THOC1: variants seen among roughly 807,000 people sequenced by gnomAD.
THOC1 encodes THO complex subunit 1.
A neutral mutation model predicts 97.3 loss-of-function variants in THOC1; 29 were observed. That is an observed-to-expected ratio of 0.30 (90% CI 0.22 to 0.41). The LOEUF (loss-of-function observed/expected upper bound fraction) is 0.41, where lower values mean the gene tolerates loss of function less well. Ranked by LOEUF, THOC1 falls within the 10% of genes least tolerant of loss-of-function variation. The pLI, the probability that THOC1 is intolerant of heterozygous loss-of-function variation, is 1.00. For synonymous variants in THOC1, 255 were observed against 257.0 expected, an observed-to-expected ratio of 0.99 and a Z score of 0.07; for missense variants, 529 against 761.9, an observed-to-expected ratio of 0.69 and a Z score of 3.60.
chr18:221,239 T>C (rs1794404789), intron 17 of THOC1, among the ~76,000 whole-genome samples: 1 of 152,122 alleles, frequency 6.6e-6, no homozygotes, highest in Non-Finnish European at 1.5e-5. Context: ...TTACACTAAG[T>C]TTTTTCCACC....
At chr18:218,735 AC>A in intron 18 of THOC1, 150 bp downstream of exon 18, 2 of 623,308 alleles carry the variant, frequency 3.2e-6, no homozygotes, top group Non-Finnish European at 5.6e-6. Flanking sequence ...CAGGATGTGT[AC>A]TAACAAGAAC....
rs554817221 is a variant in THOC1, at chr18:254,549, T to C, written c.521-194A>G. Among the ~76,000 whole-genome samples the C allele has an allele frequency of 1.4e-4, 21 of 149,866 alleles. No homozygotes were observed. The highest frequency in any genetic ancestry group is 7.3e-5 in the African/African-American group (3 of 41,338). On this transcript the variant is annotated intron_variant, in intron 7 of 20. Transcript: ENST00000261600. This position sits in a 1 kb window ranked among gnomAD's most constrained non-coding sequence, Gnocchi z 4.1. ...TGGAGTATGGGCATACCTTGTTTTG[T>C]TGTTCTTCACAGTTTCTTGTTTTTT...
intron 12 of THOC1, 23 bp downstream of exon 12, chr18:226,778 G>A (rs1366752565): frequency 1.3e-6 from 2 of 1,550,330 alleles, no homozygotes; most frequent in African/African-American, 2.7e-5. Context: ...TTTACAAATT[G>A]TTTACTACCC....
At position 226,896 on chromosome 18, in the gene THOC1, C is replaced by G. The variant is rs2049941626; in HGVS notation, c.924G>C (p.Met308Ile). The G allele has an allele frequency of 6.2e-7, 1 of 1,606,660 alleles. No homozygotes were observed. Among genetic ancestry groups the G allele is most frequent in the African/African-American group, 1.3e-5 (1 of 74,816 alleles). Residue 308 changes from methionine (M) to isoleucine (I), a missense_variant, in exon 12 of 21, where the codon ATG (methionine) becomes ATC (isoleucine). Physicochemically the swap from Met to Ile is conservative, Grantham distance 10 (BLOSUM62 1). Coordinates refer to ENST00000261600, the MANE Select transcript of THOC1 (RefSeq NM_005131.3). ...FAKFLTSEKL[M>I]DLQLSDSNFR... The stretch of plus-strand genomic sequence containing the variant: ...AGTTACTGTCACTCAGTTGTAAATC[C>G]ATCAGCTACTCAAGAAACAAGCAAA...
intron 11 of THOC1, among the ~76,000 whole-genome samples, chr18:234,922 C>CTT (rs1250274383): frequency 6.6e-6 from 1 of 151,924 alleles, no homozygotes; most frequent in African/African-American, 2.4e-5. Context: ...AACTGGGGGG[C>CTT]TTCTCTTTTT....
chr18:238,486 T>C (rs930630864), intron 11 of THOC1, among the ~76,000 whole-genome samples: 7 of 152,212 alleles, frequency 4.6e-5, no homozygotes, highest in Non-Finnish European at 1.0e-4. Flanking sequence ...TACTTAACAA[T>C]AGTATTGCCT....
At chr18:215,902 AGG>A in intron 19 of THOC1, 1 of 193,408 alleles carries the variant, frequency 5.2e-6, no homozygotes. Flanking sequence ...ATTGGCAAAC[AGG>A]AAAAAATTCA....
chr18:221,802 G>T (rs1199335536), intron 17 of THOC1, among the ~76,000 whole-genome samples: 2 of 151,894 alleles, frequency 1.3e-5, no homozygotes, highest in African/African-American at 2.4e-5. Context: ...TAGAGACGGG[G>T]TTTCACCGTG....
Position 241,764 on chromosome 18 carries a change from T to C in THOC1, c.918+4560A>G, listed in dbSNP as rs115961455. Reference sequence around the variant, plus strand: ...ACATTTTGAAATGTTGTTCTGCTTTTACATGCTACATAGTACAGAGGGAGG... The same window carrying C: ...ACATTTTGAAATGTTGTTCTGCTTTCACATGCTACATAGTACAGAGGGAGG... On this transcript the variant is annotated intron_variant, in intron 11 of 20. Transcript: ENST00000261600. Among the ~76,000 whole-genome samples the C allele has an allele frequency of 4.8e-3, 736 of 152,346 alleles. 2 individuals carry two copies. Among genetic ancestry groups the C allele is most frequent in the African/African-American group, 0.016 (672 of 41,584 alleles).
Position 224,094 on chromosome 18 carries a change from G to A in THOC1, c.1294C>T (p.Leu432=), listed in dbSNP as rs1313935637. 1 of 1,605,522 alleles carries A rather than the reference G, an allele frequency of 6.2e-7. No individual in the cohort carries two copies. Among genetic ancestry groups the A allele is most frequent in the Non-Finnish European group, 8.5e-7 (1 of 1,174,836 alleles). Residue 432 remains leucine (L), a synonymous_variant, in exon 16 of 21, where the codon CTG becomes TTG. Transcript: ENST00000261600. ...GACAAATTCACCTACTTTCCCATCA[G>A]AATTTTTTTGGTGGGTCCTTTCCCT... The part of the protein sequence containing the change: ...FLGKGPTKKI[L]MGNEELTRLW...
intron 9 of THOC1, among the ~76,000 whole-genome samples, chr18:249,432 T>C (rs1397171368): frequency 1.3e-5 from 2 of 152,106 alleles, no homozygotes; most frequent in Non-Finnish European, 2.9e-5. Flanking sequence ...TTTGGGAGGC[T>C]GAGGCGGGCG....
chr18:255,687 C>G (rs1912415683), intron 7 of THOC1, among the ~76,000 whole-genome samples: 1 of 152,198 alleles, frequency 6.6e-6, no homozygotes. Context: ...CTACACTCAA[C>G]AGATTTTTCA....
intron 17 of THOC1, among the ~76,000 whole-genome samples, chr18:220,367 A>G (rs1299128220): frequency 1.3e-5 from 2 of 152,208 alleles, no homozygotes; most frequent in Admixed American, 6.5e-5. Context: ...TTCCTATTTC[A>G]TTTAAAAAAT....
chr18:239,234 A>T (rs1911813207), intron 11 of THOC1, among the ~76,000 whole-genome samples: 1 of 152,222 alleles, frequency 6.6e-6, no homozygotes, highest in African/African-American at 2.4e-5. Flanking sequence ...TATTGAAAAA[A>T]TTTCTACAAA....
chr18:258,132 C>T (rs531515819), intron 7 of THOC1, among the ~76,000 whole-genome samples: 1 of 152,108 alleles, frequency 6.6e-6, no homozygotes, highest in African/African-American at 2.4e-5. Context: ...TGTAGATTAT[C>T]TTCAAGAAGT....
intron 11 of THOC1, among the ~76,000 whole-genome samples, chr18:243,775 G>A (rs1598299989): frequency 5.3e-5 from 8 of 152,120 alleles, no homozygotes; most frequent in Admixed American, 5.2e-4. Flanking sequence ...TACACATGAA[G>A]TAGAATAAAA....
chr18:249,038 C>G (rs941937396), intron 9 of THOC1, among the ~76,000 whole-genome samples: 1 of 152,234 alleles, frequency 6.6e-6, no homozygotes, highest in Non-Finnish European at 1.5e-5. Context: ...GCGTGTACCA[C>G]TGCACCCGGC....
intron 3 of THOC1, chr18:264,798 C>G (rs1342723052): frequency 6.5e-6 from 1 of 152,810 alleles, no homozygotes. Context: ...TGAAACTTTT[C>G]CTTTCATTCA....
intron 2 of THOC1, 21 bp from the exon 3 acceptor site, chr18:265,384 C>T (rs752169171): frequency 1.9e-6 from 3 of 1,599,178 alleles, no homozygotes; most frequent in Admixed American, 1.7e-5. Flanking sequence ...CAAAAGACAT[C>T]CTCATTTTTC....
Sources: gnomAD v4.1 joint callset for allele counts (sites outside exome capture counted in the v4.1 genomes callset) on GRCh38, gnomAD v4.1.1 for gene constraint, Gnocchi (gnomAD v3.1) non-coding constraint, MANE v1.5 for transcripts, NCBI Gene and HGNC (gene_info 2026-07-23, HGNC 2026-07-21) for gene names.